Variants in MACROD2 observed in about 807,000 individuals in gnomAD.
MACROD2 encodes ADP-ribose glycohydrolase MACROD2.
Under a neutral mutation model 70.4 loss-of-function variants are expected in MACROD2, and 36 were observed. That is an observed-to-expected ratio of 0.51 (90% CI 0.39 to 0.68). The LOEUF (loss-of-function observed/expected upper bound fraction) is 0.68. Among genes scored for constraint, MACROD2 ranks in the 30% least tolerant of loss-of-function variants. The pLI is 0.00. For missense variants in MACROD2, 496 were observed against 538.4 expected, an observed-to-expected ratio of 0.92 and a Z score of 0.78; for synonymous variants, 172 against 178.8, an observed-to-expected ratio of 0.96 and a Z score of 0.30.
intron 4 of MACROD2, among the ~76,000 whole-genome samples, chr20:14,503,304 G>A (rs1312276401): frequency 6.6e-6 from 1 of 152,164 alleles, no homozygotes. Flanking sequence ...GTATCCTCAT[G>A]GGGACACCTG....
At chr20:15,529,984 A>G (rs1415968257) in intron 8 of MACROD2, among the ~76,000 whole-genome samples, 1 of 152,214 alleles carries the variant, frequency 6.6e-6, no homozygotes, top group East Asian at 1.9e-4. Context: ...GAGTGAGGAC[A>G]TGGGACATTT....
chr20:15,693,023 G>GT (rs1410829486), intron 8 of MACROD2, among the ~76,000 whole-genome samples: 1 of 152,106 alleles, frequency 6.6e-6, no homozygotes, highest in Non-Finnish European at 1.5e-5. Context: ...CTAAAGACGT[G>GT]TTTGCTTCCC....
At chr20:15,260,958 T>G (rs1318410002) in intron 6 of MACROD2, among the ~76,000 whole-genome samples, 1 of 152,056 alleles carries the variant, frequency 6.6e-6, no homozygotes, top group East Asian at 1.9e-4. Context: ...TAATAAACTA[T>G]GGGCCATGAG....
chr20:14,193,762 T>G (rs911668445), intron 3 of MACROD2, among the ~76,000 whole-genome samples: 1 of 152,194 alleles, frequency 6.6e-6, no homozygotes, highest in Admixed American at 6.5e-5. Context: ...CCTAATCGCC[T>G]GCTGTAGTGC....
chr20:14,777,236 A>T lies in MACROD2; in HGVS notation c.418+92277A>T, dbSNP rs79494174. On this transcript the variant is annotated intron_variant, in intron 5 of 17. Transcript: ENST00000684519. Reference sequence around the variant, plus strand: ...GCATCTTTTCGAAAGCAAGGGTATCATTTTACATTTCCACCAGCTGTGTAC... The same window carrying T: ...GCATCTTTTCGAAAGCAAGGGTATCTTTTTACATTTCCACCAGCTGTGTAC... Among the ~76,000 whole-genome samples, 1,031 of 152,120 alleles carry T rather than the reference A, an allele frequency of 6.8e-3. 18 individuals carry two copies. The highest frequency in any genetic ancestry group is 0.024 in the African/African-American group (980 of 41,438).
rs185020666 is a variant in MACROD2 at position 14,334,692 on chromosome 20, C to T, written c.272-158787C>T. ...GGAGGGAAGGGGGAAGGAGGAAAGA[C>T]GGAGGGGAGAAATTATGGCCTTTGA... On this transcript the variant is annotated intron_variant, in intron 3 of 17. Coordinates refer to ENST00000684519, the MANE Select transcript of MACROD2 (RefSeq NM_001351661.2). Among the ~76,000 whole-genome samples the T allele has an allele frequency of 2.2e-4, 33 of 151,474 alleles. No individual in the cohort carries two copies. In the East Asian group the frequency reaches 4.3e-3, roughly 20 times the overall value.
At chr20:15,714,520 G>T (rs1009044659) in intron 8 of MACROD2, among the ~76,000 whole-genome samples, 8 of 152,152 alleles carry the variant, frequency 5.3e-5, no homozygotes, top group African/African-American at 1.7e-4. Context: ...TTGGGGGATG[G>T]TAAGACAAAC....
intron 10 of MACROD2, among the ~76,000 whole-genome samples, chr20:15,923,448 G>C (rs1263201067): frequency 1.3e-5 from 2 of 152,178 alleles, no homozygotes; most frequent in Non-Finnish European, 2.9e-5. Flanking sequence ...CAACACATGG[G>C]AATTCTGGGA....
In MACROD2 at chr20:14,002,415, C is replaced by A; in HGVS notation, c.163+11C>A. ...AGGGCCAAAATGATGGTAAGTTTCTCGGAACATTTTTTAGGTAGATATTTT... is the reference window on the plus strand; with the variant it reads ...AGGGCCAAAATGATGGTAAGTTTCTAGGAACATTTTTTAGGTAGATATTTT... On this transcript the variant is annotated intron_variant, in intron 2 of 17. Transcript: ENST00000684519. 6.5e-7 allele frequency: 1 copy of A among 1,534,728 alleles called. No homozygotes were observed. Among genetic ancestry groups the A allele is most frequent in the Non-Finnish European group, 8.9e-7 (1 of 1,126,870 alleles).
intron 8 of MACROD2, among the ~76,000 whole-genome samples, chr20:15,743,064 A>T (rs1040439434): frequency 3.3e-5 from 5 of 152,058 alleles, no homozygotes; most frequent in African/African-American, 1.2e-4. Flanking sequence ...AGTAGCCCTC[A>T]CCCCGGCCTC....
chr20:14,167,932 G>T (rs981129036), intron 3 of MACROD2, among the ~76,000 whole-genome samples: 4 of 152,102 alleles, frequency 2.6e-5, no homozygotes, highest in Non-Finnish European at 5.9e-5. Flanking sequence ...AACATTAGTT[G>T]ATAAAGCAAA....
At chr20:15,971,287 G>A (rs905147817) in intron 13 of MACROD2, among the ~76,000 whole-genome samples, 2 of 152,070 alleles carry the variant, frequency 1.3e-5, no homozygotes, top group Non-Finnish European at 2.9e-5. Flanking sequence ...TTGAATTGTA[G>A]CTCCCATAAT....
chr20:15,290,094 G>T (rs2146105345), intron 6 of MACROD2, among the ~76,000 whole-genome samples: 1 of 152,226 alleles, frequency 6.6e-6, no homozygotes, highest in African/African-American at 2.4e-5. Flanking sequence ...TTATGAGAAT[G>T]AAATGAAATA....
chr20:14,975,148 C>T (rs993530240), intron 5 of MACROD2, among the ~76,000 whole-genome samples: 4 of 151,940 alleles, frequency 2.6e-5, no homozygotes, highest in African/African-American at 4.8e-5. Flanking sequence ...CTCTAGGCAT[C>T]GCAAATATCC....
rs947441069 is a variant in MACROD2 at position 15,075,296 on chromosome 20, C to T, written c.419-154644C>T. On this transcript the variant is annotated intron_variant, in intron 5 of 17. Coordinates refer to ENST00000684519, the MANE Select transcript of MACROD2 (RefSeq NM_001351661.2). ...ATTTGATGTAATGGAAAATAAAATACGAAAGGTAAGTTCTAGGAATAATTG... is the reference window on the plus strand; with the variant it reads ...ATTTGATGTAATGGAAAATAAAATATGAAAGGTAAGTTCTAGGAATAATTG... Among the ~76,000 whole-genome samples the T allele has an allele frequency of 5.3e-4, 80 of 151,956 alleles. 3 individuals are homozygous for T. Among genetic ancestry groups the T allele is most frequent in the Non-Finnish European group, 4.1e-4 (28 of 67,996 alleles).
chr20:14,804,794 A>C (rs368297055), intron 5 of MACROD2, among the ~76,000 whole-genome samples: 4 of 151,738 alleles, frequency 2.6e-5, no homozygotes, highest in African/African-American at 7.3e-5. Flanking sequence ...TTTCCTTTCC[A>C]GTTGTTTTCT....
intron 6 of MACROD2, among the ~76,000 whole-genome samples, chr20:15,258,219 T>C (rs556863559): frequency 6.6e-6 from 1 of 152,188 alleles, no homozygotes; most frequent in African/African-American, 2.4e-5. Flanking sequence ...GGTTACTTTA[T>C]TATTGAAGAA....
chr20:15,254,877 T>C (rs1405040194), intron 6 of MACROD2, among the ~76,000 whole-genome samples: 1 of 151,680 alleles, frequency 6.6e-6, no homozygotes. Flanking sequence ...TTACCCTCCA[T>C]TTGTCAAACG....
chr20:15,071,007 T>A (rs2075615222), intron 5 of MACROD2, among the ~76,000 whole-genome samples: 1 of 152,138 alleles, frequency 6.6e-6, no homozygotes, highest in South Asian at 2.1e-4. Context: ...ATAAAATTTG[T>A]AAGACTATTA....
Sources: allele counts gnomAD v4.1 joint callset (sites outside exome capture counted in the v4.1 genomes callset), GRCh38; gene constraint gnomAD v4.1.1; transcripts MANE v1.5; gene names NCBI Gene and HGNC (gene_info 2026-07-23, HGNC 2026-07-21).